ARB2A: variants seen among roughly 807,000 people sequenced by gnomAD.
The protein encoded by ARB2A is cotranscriptional regulator ARB2A.
chr5:93,879,958 T>C, the ARB2A span, among the ~76,000 whole-genome samples: 1 of 151,812 alleles, frequency 6.6e-6, no homozygotes, highest in Non-Finnish European at 1.5e-5. Context: ...TGTCATAAGA[T>C]GGTGGTTTAC....
chr5:93,776,317 T>C, the ARB2A span: 26 of 1,221,968 alleles, frequency 2.1e-5, no homozygotes, highest in African/African-American at 3.6e-4. Flanking sequence ...GAGTTTAATT[T>C]ATCCTATAAA....
the ARB2A span, among the ~76,000 whole-genome samples, chr5:93,915,017 C>T: frequency 2.6e-5 from 4 of 151,892 alleles, no homozygotes; most frequent in African/African-American, 9.7e-5. Context: ...TCTTGATATT[C>T]ACCTCTTTCC....
the ARB2A span, among the ~76,000 whole-genome samples, chr5:93,996,763 A>G: frequency 6.6e-6 from 1 of 152,088 alleles, no homozygotes; most frequent in African/African-American, 2.4e-5. Context: ...TTGTTGTTAT[A>G]TTCTAGGAAA....
the ARB2A span, among the ~76,000 whole-genome samples, chr5:93,936,447 G>A: frequency 6.6e-6 from 1 of 152,126 alleles, no homozygotes; most frequent in Admixed American, 6.5e-5. Context: ...CTCAGTAAGG[G>A]ATAAGGATGT....
the ARB2A span, among the ~76,000 whole-genome samples, chr5:93,636,421 T>G: frequency 6.6e-6 from 1 of 152,212 alleles, no homozygotes; most frequent in Non-Finnish European, 1.5e-5. Flanking sequence ...GATTAAGATA[T>G]GAGGGTAGAA....
the ARB2A span, among the ~76,000 whole-genome samples, chr5:93,681,127 GA>G: frequency 5.0e-3 from 747 of 150,410 alleles, 5 homozygotes; most frequent in African/African-American, 0.016. Context: ...TTCCAGTCAA[GA>G]AAAAAAAATC....
chr5:93,817,983 A>G, the ARB2A span, among the ~76,000 whole-genome samples: 1 of 152,132 alleles, frequency 6.6e-6, no homozygotes, highest in African/African-American at 2.4e-5. Flanking sequence ...AAGACCTATG[A>G]AAAATCAAAA....
the ARB2A span, among the ~76,000 whole-genome samples, chr5:94,039,421 G>T: frequency 9.1e-4 from 139 of 152,268 alleles, 1 homozygote; most frequent in African/African-American, 3.3e-3. Context: ...GTAACCTCTG[G>T]TCCTCACTGC....
At chr5:93,942,449 AT>A in the ARB2A span, among the ~76,000 whole-genome samples, 1 of 152,098 alleles carries the variant, frequency 6.6e-6, no homozygotes, top group South Asian at 2.1e-4. Context: ...TACATTTCAA[AT>A]AAGAAAAAAA....
chr5:93,797,289 G>A, the ARB2A span, among the ~76,000 whole-genome samples: 12 of 152,206 alleles, frequency 7.9e-5, no homozygotes, highest in African/African-American at 2.4e-4. Context: ...TCTTTCATGT[G>A]TCTATTCCTT....
At chr5:93,619,116 T>A in the ARB2A span, 1 of 152,170 alleles carries the variant, frequency 6.6e-6, no homozygotes, top group Non-Finnish European at 1.5e-5. Flanking sequence ...CAACTAAGAT[T>A]CCGGAACACT....
chr5:93,724,578 T>A, the ARB2A span, among the ~76,000 whole-genome samples: 3 of 152,098 alleles, frequency 2.0e-5, no homozygotes, highest in Middle Eastern at 3.2e-3. Flanking sequence ...AAATATTTTA[T>A]GATAAATTGA....
the ARB2A span, among the ~76,000 whole-genome samples, chr5:94,077,381 A>T: frequency 6.6e-6 from 1 of 152,150 alleles, no homozygotes. Flanking sequence ...TCAAAAAAAA[A>T]AAAAAAATTA....
At chr5:93,814,866 C>T in the ARB2A span, among the ~76,000 whole-genome samples, 2 of 152,204 alleles carry the variant, frequency 1.3e-5, no homozygotes, top group East Asian at 3.8e-4. Flanking sequence ...TGGAGACAGT[C>T]TTGCTGTGTT....
chr5:93,805,584 G>C, the ARB2A span: 1 of 985,032 alleles, frequency 1.0e-6, no homozygotes, highest in Non-Finnish European at 1.2e-6. Context: ...TTACACAGAG[G>C]TCACAATCCT....
the ARB2A span, among the ~76,000 whole-genome samples, chr5:93,674,199 C>T: frequency 1.1e-3 from 173 of 152,326 alleles, 4 homozygotes; most frequent in South Asian, 0.021. Context: ...TTCACCTGAT[C>T]GTAGCCCCAT....
At chr5:93,775,385 C>T in the ARB2A span, among the ~76,000 whole-genome samples, 1 of 152,200 alleles carries the variant, frequency 6.6e-6, no homozygotes, top group Non-Finnish European at 1.5e-5. Context: ...CCCATTTCTG[C>T]TATCAGTTAT....
the ARB2A span, among the ~76,000 whole-genome samples, chr5:93,981,126 T>C: frequency 1.3e-5 from 2 of 151,270 alleles, no homozygotes; most frequent in Non-Finnish European, 2.9e-5. Context: ...GAGTGTGCAA[T>C]GGCGCGATCT....
At chr5:93,760,380 T>C in the ARB2A span, among the ~76,000 whole-genome samples, 1 of 152,134 alleles carries the variant, frequency 6.6e-6, no homozygotes. Flanking sequence ...CCATCATTCT[T>C]CACAGAATTA....
Sources: allele counts gnomAD v4.1 joint callset (sites outside exome capture counted in the v4.1 genomes callset), GRCh38; gene constraint gnomAD v4.1.1; transcripts MANE v1.5; gene names NCBI Gene and HGNC (gene_info 2026-07-23, HGNC 2026-07-21).